Variants in GXYLT2 observed in about 807,000 individuals in gnomAD.
GXYLT2 encodes glycosyltransferase 8 domain containing 4.
GXYLT2 carries 53 observed loss-of-function variants against 45.8 expected under a neutral mutation model. That is an observed-to-expected ratio of 1.16 (90% CI 0.93 to 1.46). The LOEUF (loss-of-function observed/expected upper bound fraction) is 1.46. Among genes scored for constraint, GXYLT2 ranks in the 40% most tolerant of loss-of-function variants. GXYLT2 has a pLI of 0.00. For missense variants in GXYLT2, 551 were observed against 544.4 expected, an observed-to-expected ratio of 1.01 and a Z score of -0.12; for synonymous variants, 219 against 214.2, an observed-to-expected ratio of 1.02 and a Z score of -0.19.
chr3:72,939,219 A>G (rs9854212), intron 3 of GXYLT2, among the ~76,000 whole-genome samples: 83,769 of 151,980 alleles, frequency 0.55, 24,449 homozygotes, highest in Admixed American at 0.64. Flanking sequence ...TCCCAATTAT[A>G]TATATATTTT....
intron 3 of GXYLT2, among the ~76,000 whole-genome samples, chr3:72,940,155 C>A (rs1490908171): frequency 6.6e-6 from 1 of 152,064 alleles, no homozygotes. Context: ...AAGACCTTAC[C>A]TCAAAAAAGT....
intron 6 of GXYLT2, 83 bp from the exon 7 acceptor site, chr3:72,974,894 C>A: frequency 9.8e-7 from 1 of 1,023,642 alleles, no homozygotes. Flanking sequence ...ATCGTAATTC[C>A]TGTGTCATTT....
At position 72,904,883 on chromosome 3, in the gene GXYLT2, A is replaced by AT. The variant is rs1304697018; in HGVS notation, c.276-3484_276-3483insT. 2.9e-3 allele frequency among the ~76,000 whole-genome samples: 144 copies of AT among 50,526 alleles called. 1 individual carries two copies. The highest frequency in any genetic ancestry group is 4.8e-3 in the African/African-American group (128 of 26,550). 33.1% of individuals were successfully genotyped at this position (50,526 alleles called of 152,430 possible). A position where few individuals can be genotyped will look rare whatever the true frequency, so the allele number is the denominator to read the frequency against. ...CCCATCTCTACTAAAGATACAAAAA[A>AT]AAAAAAAAAAAAAAATTAACCAGGT... On this transcript the variant is annotated intron_variant, in intron 1 of 6. Transcript: ENST00000389617.
chr3:72,916,311 T>G (rs370860884), intron 2 of GXYLT2, among the ~76,000 whole-genome samples: 1 of 146,388 alleles, frequency 6.8e-6, no homozygotes, highest in Admixed American at 6.9e-5. Context: ...AAACAAACTT[T>G]AGGAAAAAAA....
chr3:72,936,214 C>G (rs759059397), intron 3 of GXYLT2, among the ~76,000 whole-genome samples: 6 of 151,650 alleles, frequency 4.0e-5, no homozygotes, highest in Non-Finnish European at 8.8e-5. Context: ...ATTGCTTGAA[C>G]CTGGGAGGCG....
intron 2 of GXYLT2, among the ~76,000 whole-genome samples, chr3:72,914,525 A>ATG (rs1161016645): frequency 1.1e-4 from 16 of 143,738 alleles, no homozygotes; most frequent in Middle Eastern, 3.6e-3. Flanking sequence ...ATTTACATAT[A>ATG]TATGTGTGTG....
intron 5 of GXYLT2, among the ~76,000 whole-genome samples, chr3:72,963,975 A>C (rs1710814768): frequency 6.6e-6 from 1 of 150,670 alleles, no homozygotes; most frequent in African/African-American, 2.4e-5. Flanking sequence ...ATACCCGGAC[A>C]AATTTTTTAA....
chr3:72,932,999 G>C (rs1710070306), intron 3 of GXYLT2, among the ~76,000 whole-genome samples: 1 of 152,130 alleles, frequency 6.6e-6, no homozygotes, highest in South Asian at 2.1e-4. Context: ...TGTAAAAAGA[G>C]AATAATAATA....
chr3:72,921,017 C>T (rs184854233), intron 2 of GXYLT2, among the ~76,000 whole-genome samples: 6,051 of 151,640 alleles, frequency 0.04, 213 homozygotes, highest in Non-Finnish European at 0.053. Context: ...GACGGGGTTT[C>T]GCCATGTTGG....
chr3:72,913,750 C>T (rs1365901693), intron 2 of GXYLT2, among the ~76,000 whole-genome samples: 3 of 151,980 alleles, frequency 2.0e-5, no homozygotes, highest in African/African-American at 7.3e-5. Context: ...TGTATACTAC[C>T]GTCACTTTCT....
At chr3:72,900,625 C>A (rs1709385594) in intron 1 of GXYLT2, among the ~76,000 whole-genome samples, 1 of 150,596 alleles carries the variant, frequency 6.6e-6, no homozygotes, top group African/African-American at 2.4e-5. Context: ...ACCATGTTGG[C>A]CAGTCTGGTC....
At chr3:72,934,677 C>T (rs1006024686) in intron 3 of GXYLT2, among the ~76,000 whole-genome samples, 1 of 152,064 alleles carries the variant, frequency 6.6e-6, no homozygotes, top group Non-Finnish European at 1.5e-5. Context: ...TTTGATTCTC[C>T]CTTGGGCAAA....
rs1218351332 is a variant in GXYLT2 at position 72,888,117 on chromosome 3, C to A, written c.-117C>A. ...GCCCGCCGGCCGCCACGACCCCAGTCCCCGGCGGGCGGGCGGAGGAGGCGA... is the reference window on the plus strand; with the variant it reads ...GCCCGCCGGCCGCCACGACCCCAGTACCCGGCGGGCGGGCGGAGGAGGCGA... On this transcript the variant is annotated 5_prime_UTR_variant, in exon 1 of 7. Transcript: ENST00000389617. The A allele has an allele frequency of 4.6e-6, 3 of 649,332 alleles. No individual in the cohort carries two copies. The highest frequency in any genetic ancestry group is 6.5e-5 in the South Asian group (1 of 15,394). 40.2% of individuals were successfully genotyped at this position (649,332 alleles called of 1,614,324 possible).
At chr3:72,958,629 C>CT (rs760548760) in intron 5 of GXYLT2, among the ~76,000 whole-genome samples, 1,201 of 108,680 alleles carry the variant, frequency 0.011, 5 homozygotes, top group Non-Finnish European at 0.014. Flanking sequence ...TCACTTGTGG[C>CT]TTTTTTTTTT....
At chr3:72,929,147 CT>C in intron 3 of GXYLT2, 1 of 1,588,130 alleles carries the variant, frequency 6.3e-7, no homozygotes, top group Non-Finnish European at 8.5e-7. Context: ...CTACGTTTAC[CT>C]GTCCATGTCT....
intron 3 of GXYLT2, among the ~76,000 whole-genome samples, chr3:72,934,259 A>G (rs2322694): frequency 0.55 from 82,654 of 151,108 alleles, 23,867 homozygotes; most frequent in Admixed American, 0.63. Context: ...TAATTTTTGT[A>G]TTTTTTTGTA....
At chr3:72,963,688 T>TTTTG (rs1710810328) in intron 5 of GXYLT2, among the ~76,000 whole-genome samples, 1 of 149,844 alleles carries the variant, frequency 6.7e-6, no homozygotes, top group African/African-American at 2.5e-5. Context: ...TTTTTTTTTT[T>TTTTG]GAGACAAGAG....
chr3:72,924,889 A>C (rs1041393662), intron 3 of GXYLT2, among the ~76,000 whole-genome samples: 2 of 152,138 alleles, frequency 1.3e-5, no homozygotes, highest in Non-Finnish European at 1.5e-5. Flanking sequence ...TGGCAGAATC[A>C]TTTAGGGATA....
chr3:72,934,766 T>C (rs924666491), intron 3 of GXYLT2, among the ~76,000 whole-genome samples: 3 of 152,224 alleles, frequency 2.0e-5, no homozygotes, highest in African/African-American at 7.2e-5. Flanking sequence ...TTAAGGATAT[T>C]ATGTTGAAAA....
Sources: allele counts gnomAD v4.1 joint callset (sites outside exome capture counted in the v4.1 genomes callset), GRCh38; gene constraint gnomAD v4.1.1; transcripts MANE v1.5; gene names NCBI Gene and HGNC (gene_info 2026-07-23, HGNC 2026-07-21).